Variants in COQ8A observed in about 807,000 individuals in gnomAD.
The protein encoded by COQ8A is coenzyme Q8A, also known as atypical kinase COQ8A, mitochondrial.
A neutral mutation model predicts 65.0 loss-of-function variants in COQ8A; 51 were observed. The observed-to-expected ratio is 0.78, with a 90% CI of 0.63 to 0.99. COQ8A has a LOEUF of 0.99. COQ8A is among the 50% of genes least tolerant of loss of function. COQ8A has a pLI of 0.00. For missense variants in COQ8A, 940 were observed against 875.0 expected (o/e 1.07, Z -0.94); for synonymous variants, 371 against 353.2 (o/e 1.05, Z -0.57).
At position 226,986,978 on chromosome 1, in the gene COQ8A, GA is replaced by G. The variant is rs1462911510; in HGVS notation, c.*244del. ...GTCAGTCTGCCTCCGTGTGTCCTCTGAAATAAGCAGATGAAGATGAAAGGGC... is the reference window on the plus strand; with the variant it reads ...GTCAGTCTGCCTCCGTGTGTCCTCTGAATAAGCAGATGAAGATGAAAGGGC... On this transcript the variant is annotated 3_prime_UTR_variant, in exon 15 of 15. Transcript: ENST00000366777. The G allele has an allele frequency of 6.9e-6, 4 of 578,198 alleles. No homozygotes were observed. The highest frequency in any genetic ancestry group is 1.2e-5 in the Non-Finnish European group (4 of 324,560). The allele number at this position is 578,198 out of a possible 1,614,324, so 35.8% of individuals were successfully genotyped here. A position where few individuals can be genotyped will look rare whatever the true frequency, so the allele number is the denominator to read the frequency against.
At chr1:226,978,901 AACACTG>A (rs1659515876) in intron 5 of COQ8A, among the ~76,000 whole-genome samples, 1 of 114,920 alleles carries the variant, frequency 8.7e-6, no homozygotes, top group African/African-American at 2.9e-5. Flanking sequence ...TCACCCACTG[AACACTG>A]CACCTCCTTA....
Position 226,946,390 on chromosome 1 carries a change from G to C in COQ8A, c.-10+5991G>C, listed in dbSNP as rs1460420351. Among the ~76,000 whole-genome samples the C allele has an allele frequency of 6.6e-6, 1 of 152,238 alleles. No individual in the cohort carries two copies. The highest frequency in any genetic ancestry group is 1.5e-5 in the Non-Finnish European group (1 of 68,044). The stretch of plus-strand genomic sequence containing the variant: ...AGGATGTGGAAGCTGGAAAACCTGT[G>C]TGGGTGTTGGGCGGGGCCGGGGGTC... On this transcript the variant is annotated intron_variant, in intron 1 of 14. Transcript: ENST00000366777. This position sits in a 1 kb window ranked among gnomAD's most constrained non-coding sequence, Gnocchi z 5.3.
In COQ8A at chr1:226,965,141, C is replaced by T. The variant is rs556900094; in HGVS notation, c.319C>T (p.Leu107=). 6.2e-7 allele frequency: 1 copy of T among 1,613,978 alleles called. No individual in the cohort carries two copies. Among genetic ancestry groups the T allele is most frequent in the South Asian group, 1.1e-5 (1 of 91,086 alleles). ...SAPDQSAPPS[L]GHAHSEGPAP... is the part of the protein sequence containing the mutation. Reference sequence around the variant, plus strand: ...TCCCGACCAGTCAGCGCCCCCATCCCTGGGTCATGCCCACAGCGAGGGCCC... The same window carrying T: ...TCCCGACCAGTCAGCGCCCCCATCCTTGGGTCATGCCCACAGCGAGGGCCC... Residue 107 remains leucine (L), a synonymous_variant, in exon 3 of 15, where the codon CTG becomes TTG. Transcript: ENST00000366777.
chr1:226,982,647 G>A (rs1379855169), intron 6 of COQ8A, 31 bp from the exon 7 acceptor site: 1 of 1,609,840 alleles, frequency 6.2e-7, no homozygotes, highest in Admixed American at 1.7e-5. Context: ...TAATCCCCAG[G>A]TTCGCCCTGT....
chr1:226,951,133 G>A (rs1280378720), intron 1 of COQ8A, among the ~76,000 whole-genome samples: 1 of 152,202 alleles, frequency 6.6e-6, no homozygotes, highest in African/African-American at 2.4e-5. Flanking sequence ...AGGCAGCAGC[G>A]TGCGTCCCTG....
At chr1:226,979,763 C>T (rs77885267) in intron 5 of COQ8A, among the ~76,000 whole-genome samples, 1,629 of 152,314 alleles carry the variant, frequency 0.011, 16 homozygotes, top group African/African-American at 0.03. Context: ...CCTGGGGACA[C>T]GGGCGGCATG....
At chr1:226,941,971 T>C (rs1447336557) in intron 1 of COQ8A, among the ~76,000 whole-genome samples, 2 of 152,134 alleles carry the variant, frequency 1.3e-5, no homozygotes, top group South Asian at 2.1e-4. Flanking sequence ...TGTGGACTAA[T>C]GACATTTTGG....
rs1219136694 is a variant in COQ8A, at chr1:226,984,896, G to A, written c.1527G>A (p.Gly509=). ...CCCAGGTGGCTCTTTTGGATTTTGG[G>A]GCAACGCGGGAATATGACAGATCCT... ...QQHKVALLDF[G]ATREYDRSFT... Residue 509 remains glycine, a synonymous_variant, in exon 13 of 15, where the codon GGG becomes GGA. Transcript: ENST00000366777. 6.2e-7 allele frequency: 1 copy of A among 1,614,026 alleles called. No homozygotes were observed. Among genetic ancestry groups the A allele is most frequent in the Non-Finnish European group, 8.5e-7 (1 of 1,180,032 alleles).
chr1:226,976,543 G>A (rs1558199301), intron 4 of COQ8A, among the ~76,000 whole-genome samples: 1 of 152,186 alleles, frequency 6.6e-6, no homozygotes, highest in South Asian at 2.1e-4. Context: ...ACCGTGCCCA[G>A]CCAGGTGCTC....
rs767004123 is a variant in COQ8A at position 226,983,672 on chromosome 1, T to G, written c.1162+39T>G. On this transcript the variant is annotated intron_variant, in intron 9 of 14. Coordinates refer to ENST00000366777, the MANE Select transcript of COQ8A (RefSeq NM_020247.5). Reference sequence around the variant, plus strand: ...TGGTTGGGTCAAGGGCAGGAGTGGGTGGCAGGCATCTGTGTTGGGTTCTGG... The same window carrying G: ...TGGTTGGGTCAAGGGCAGGAGTGGGGGGCAGGCATCTGTGTTGGGTTCTGG... 9 of 1,612,296 alleles carry G rather than the reference T, an allele frequency of 5.6e-6. No homozygotes were observed. In the African/African-American group the frequency reaches 1.2e-4, roughly 22 times the overall value.
intron 1 of COQ8A, among the ~76,000 whole-genome samples, chr1:226,956,452 C>A (rs1411197108): frequency 1.4e-5 from 1 of 72,480 alleles, no homozygotes; most frequent in Non-Finnish European, 2.8e-5. Context: ...TGCCACTCTC[C>A]CTGGCTGCCA....
chr1:226,964,101 C>T (rs545427505), intron 2 of COQ8A, among the ~76,000 whole-genome samples: 2 of 152,338 alleles, frequency 1.3e-5, no homozygotes, highest in Admixed American at 6.5e-5. Context: ...TCTTAGACAG[C>T]AGAACGTGAG....
At chr1:226,941,023 C>T (rs999192942) in intron 1 of COQ8A, among the ~76,000 whole-genome samples, 1 of 152,196 alleles carries the variant, frequency 6.6e-6, no homozygotes, top group African/African-American at 2.4e-5. Flanking sequence ...GTGGTTTGGG[C>T]TTACTCCCCT....
chr1:226,951,938 C>G (rs1165772518), intron 1 of COQ8A, among the ~76,000 whole-genome samples: 1 of 152,162 alleles, frequency 6.6e-6, no homozygotes, highest in Non-Finnish European at 1.5e-5. Context: ...TTGCTAACCC[C>G]TGCCCTGGAA....
Position 226,946,816 on chromosome 1 carries a change from G to A in COQ8A, c.-10+6417G>A, listed in dbSNP as rs949225940. 8.5e-5 allele frequency among the ~76,000 whole-genome samples: 13 copies of A among 152,252 alleles called. No homozygotes were observed. The highest frequency in any genetic ancestry group is 2.7e-4 in the African/African-American group (11 of 41,460). Reference sequence around the variant, plus strand: ...GCATTTGGAGGTGATGCTAATAAAGGTTGGTGCTGGTGTTGAGTGTGGCAA... The same window carrying A: ...GCATTTGGAGGTGATGCTAATAAAGATTGGTGCTGGTGTTGAGTGTGGCAA... On this transcript the variant is annotated intron_variant, in intron 1 of 14. Coordinates refer to ENST00000366777, the MANE Select transcript of COQ8A (RefSeq NM_020247.5). The surrounding 1 kb of genome is among the most constrained non-coding windows in gnomAD (Gnocchi z 5.3).
chr1:226,983,444 TG>T, intron 8 of COQ8A, 107 bp from the exon 9 acceptor site: 3 of 1,040,250 alleles, frequency 2.9e-6, no homozygotes, highest in Non-Finnish European at 4.4e-6. Flanking sequence ...GGGTGTGGGC[TG>T]GGGCCAGGAC....
chr1:226,969,608 G>C (rs775794465), intron 4 of COQ8A, among the ~76,000 whole-genome samples: 1 of 152,012 alleles, frequency 6.6e-6, no homozygotes, highest in Non-Finnish European at 1.5e-5. Context: ...TTTCATCTCT[G>C]TGAAAGTCCT....
In COQ8A at chr1:226,967,037, A is replaced by C. The variant is rs538903224; in HGVS notation, c.655+1300A>C. ...AGGAATTTAGTATGAAGTGTCATCTATGTGACAGCCAAGAGTATTTGCTTA... is the reference window on the plus strand; with the variant it reads ...AGGAATTTAGTATGAAGTGTCATCTCTGTGACAGCCAAGAGTATTTGCTTA... On this transcript the variant is annotated intron_variant, in intron 4 of 14. Coordinates refer to ENST00000366777, the MANE Select transcript of COQ8A (RefSeq NM_020247.5). 2.7e-4 allele frequency among the ~76,000 whole-genome samples: 41 copies of C among 152,322 alleles called. No homozygotes were observed. In the South Asian group the frequency reaches 8.5e-3, roughly 32 times the overall value.
intron 4 of COQ8A, among the ~76,000 whole-genome samples, chr1:226,971,744 A>G (rs1358813732): frequency 1.3e-5 from 2 of 151,864 alleles, no homozygotes; most frequent in Non-Finnish European, 2.9e-5. Context: ...TTTGAAAGTT[A>G]TGTCTTATTT....
Sources: allele counts gnomAD v4.1 joint callset (sites outside exome capture counted in the v4.1 genomes callset), GRCh38; gene constraint gnomAD v4.1.1; non-coding constraint Gnocchi (gnomAD v3.1); transcripts MANE v1.5; gene names NCBI Gene and HGNC (gene_info 2026-07-23, HGNC 2026-07-21).